The following FBRSL1 variants were observed in gnomAD, a reference collection of about 807,000 sequenced individuals.
FBRSL1 encodes the protein fibrosin like 1.
Under a neutral mutation model 89.6 loss-of-function variants are expected in FBRSL1, and 51 were observed. The observed-to-expected ratio is 0.57, with a 90% CI of 0.45 to 0.72. FBRSL1 has a LOEUF of 0.72. FBRSL1 is among the 30% of genes least tolerant of loss of function. FBRSL1 has a pLI of 0.00. For missense variants in FBRSL1, 1,618 were observed against 1,451.8 expected, an observed-to-expected ratio of 1.11 and a Z score of -1.86; for synonymous variants, 779 against 681.1, an observed-to-expected ratio of 1.14 and a Z score of -2.24.
rs1016553979 is a variant in FBRSL1 at position 132,581,720 on chromosome 12, G to A, written c.1913-21G>A. The A allele has an allele frequency of 3.2e-6, 5 of 1,549,668 alleles. No individual in the cohort carries two copies. The East Asian group carries it at 7.3e-5, about 23-fold the overall frequency. ...CAGCCCACGCCTCACAGACCTCTGG[G>A]TCCCGCGGTTGCCCCCACAGACCCT... On this transcript the variant is annotated intron_variant, in intron 16 of 18. Coordinates refer to ENST00000680143, the MANE Select transcript of FBRSL1 (RefSeq NM_001367871.1).
Position 132,583,107 on chromosome 12 carries a change from C to T in FBRSL1, c.2338C>T (p.Pro780Ser). Residue 780 changes from proline to serine, a missense_variant, in exon 19 of 19, where the codon CCT becomes TCT. By Grantham distance (74) the Pro-to-Ser change is moderately conservative. Coordinates refer to ENST00000680143, the MANE Select transcript of FBRSL1 (RefSeq NM_001367871.1). The part of the protein sequence containing the change: ...SGAPAEREAE[P>S]RVKESRSPAK... The stretch of plus-strand genomic sequence containing the variant: ...GGCCCCCGCGGAGCGCGAGGCCGAA[C>T]CTCGGGTCAAGGAGAGCCGCTCCCC... The T allele has an allele frequency of 1.4e-6, 2 of 1,456,004 alleles. No homozygotes were observed. Among genetic ancestry groups the T allele is most frequent in the South Asian group, 1.3e-5 (1 of 77,840 alleles). 90.2% of individuals were successfully genotyped at this position (1,456,004 alleles called of 1,614,324 possible). A position where few individuals can be genotyped will look rare whatever the true frequency, so the allele number is the denominator to read the frequency against.
intron 2 of FBRSL1, chr12:132,511,022 T>A (rs2034276978): frequency 1.0e-6 from 1 of 986,486 alleles, no homozygotes; most frequent in Non-Finnish European, 1.2e-6. Flanking sequence ...GGTGCTGCAG[T>A]TCCTGCAGAG....
chr12:132,536,016 A>G (rs1386669222), intron 4 of FBRSL1, among the ~76,000 whole-genome samples: 1 of 151,680 alleles, frequency 6.6e-6, no homozygotes, highest in Non-Finnish European at 1.5e-5. Context: ...GGATGTTTGT[A>G]CATGGTGTGT....
intron 11 of FBRSL1, among the ~76,000 whole-genome samples, chr12:132,573,353 G>A (rs985581964): frequency 2.6e-5 from 4 of 152,178 alleles, no homozygotes; most frequent in African/African-American, 7.2e-5. Flanking sequence ...CTGGGGCACC[G>A]CCCACATCGT....
Position 132,527,909 on chromosome 12 carries a change from T to C in FBRSL1, c.580-44T>C, listed in dbSNP as rs1471884865. The C allele has an allele frequency of 3.2e-6, 5 of 1,547,818 alleles. No homozygotes were observed. The South Asian group carries it at 6.0e-5, about 18-fold the overall frequency. On this transcript the variant is annotated intron_variant, in intron 3 of 18. Coordinates refer to ENST00000680143, the MANE Select transcript of FBRSL1 (RefSeq NM_001367871.1). ...GTCGGGTGCATCCCTGGGAGTTTGT[T>C]CCGAGTGGCAGCCTCACTGACTGTC...
intron 15 of FBRSL1, among the ~76,000 whole-genome samples, chr12:132,578,301 C>T (rs950121197): frequency 2.8e-5 from 4 of 140,974 alleles, no homozygotes; most frequent in African/African-American, 7.7e-5. Context: ...GCCGTGATTG[C>T]ACCACTGCTC....
chr12:132,517,134 C>T (rs2034913995), intron 2 of FBRSL1, among the ~76,000 whole-genome samples: 1 of 152,240 alleles, frequency 6.6e-6, no homozygotes, highest in Non-Finnish European at 1.5e-5. Context: ...TTAATCAGTG[C>T]CTTAGACACT....
chr12:132,525,729 C>G lies in FBRSL1; in HGVS notation c.490-5C>G. The G allele has an allele frequency of 6.5e-7, 1 of 1,547,920 alleles. No individual in the cohort carries two copies. Among genetic ancestry groups the G allele is most frequent in the Non-Finnish European group, 8.7e-7 (1 of 1,144,558 alleles). ...TGCCTGAGACAGTGTCTCTCTCTGT[C>G]CCAGATGAAGGTCACCGTGTCCAAA... On this transcript the variant is annotated splice_polypyrimidine_tract_variant and splice_region_variant and intron_variant, in intron 2 of 18. Coordinates refer to ENST00000680143, the MANE Select transcript of FBRSL1 (RefSeq NM_001367871.1).
chr12:132,511,408 G>T, intron 2 of FBRSL1: 1 of 985,842 alleles, frequency 1.0e-6, no homozygotes. Flanking sequence ...CCCCTTCCAC[G>T]GCCCCCACCT....
intron 12 of FBRSL1, 77 bp from the exon 13 acceptor site, chr12:132,574,242 C>CG: frequency 6.9e-7 from 1 of 1,448,774 alleles, no homozygotes; most frequent in African/African-American, 1.4e-5. Flanking sequence ...CCACAGCAGA[C>CG]GGGCTGTGTC....
chr12:132,510,260 C>G, intron 2 of FBRSL1: 1 of 1,231,902 alleles, frequency 8.1e-7, no homozygotes, highest in Non-Finnish European at 1.0e-6. Flanking sequence ...CGGGCCCACC[C>G]TGCCGGCCTC....
At chr12:132,501,699 G>T (rs2032984697) in intron 1 of FBRSL1, among the ~76,000 whole-genome samples, 1 of 152,182 alleles carries the variant, frequency 6.6e-6, no homozygotes, top group Non-Finnish European at 1.5e-5. Context: ...TGAGGGGAGG[G>T]GCCAGGACAG....
intron 7 of FBRSL1, 21 bp downstream of exon 7, chr12:132,570,262 G>C: frequency 6.7e-7 from 1 of 1,496,396 alleles, no homozygotes; most frequent in Non-Finnish European, 8.9e-7. Flanking sequence ...CGCGGGGGAC[G>C]GGGCCTGTGT....
chr12:132,509,887 C>A, intron 2 of FBRSL1: 1 of 1,231,622 alleles, frequency 8.1e-7, no homozygotes, highest in Non-Finnish European at 1.0e-6. Flanking sequence ...AGCTTCCTCC[C>A]AGGACAGTGC....
intron 2 of FBRSL1, chr12:132,511,767 C>A: frequency 1.0e-6 from 1 of 985,440 alleles, no homozygotes; most frequent in Non-Finnish European, 1.2e-6. Context: ...ACCCCACCCC[C>A]GCAGGCCCTC....
At chr12:132,572,711 A>G (rs1306183832) in intron 11 of FBRSL1, 89 bp downstream of exon 11, 1 of 916,220 alleles carries the variant, frequency 1.1e-6, no homozygotes, top group Non-Finnish European at 1.7e-6. Context: ...CTCTCTGCCC[A>G]CAACCACCCC....
chr12:132,514,697 G>T (rs1320831298), intron 2 of FBRSL1, among the ~76,000 whole-genome samples: 5 of 152,288 alleles, frequency 3.3e-5, no homozygotes. Flanking sequence ...AGGGCTCCCT[G>T]GTGTACCCTG....
chr12:132,538,815 C>G (rs2036973142), intron 4 of FBRSL1, among the ~76,000 whole-genome samples: 1 of 144,276 alleles, frequency 6.9e-6, no homozygotes, highest in African/African-American at 2.4e-5. Context: ...GCTGAGTAAG[C>G]AAATATAGCA....
chr12:132,576,886 T>G lies in FBRSL1; in HGVS notation c.1789T>G (p.Phe597Val). The G allele has an allele frequency of 6.5e-7, 1 of 1,550,294 alleles. No individual in the cohort carries two copies. The highest frequency in any genetic ancestry group is 8.7e-7 in the Non-Finnish European group (1 of 1,146,660). ...CCCTGCCCCGGGCGTGTTTGCAGGC[T>G]TCCACTACCCACAGGACCTGGCCCG... ...RPPAPGVFAG[F>V]HYPQDLARPL... Residue 597 changes from phenylalanine to valine, a missense_variant, in exon 15 of 19, where the codon TTC (phenylalanine) becomes GTC (valine). Physicochemically the swap from Phe to Val is conservative, Grantham distance 50. Transcript: ENST00000680143.
Sources: allele counts gnomAD v4.1 joint callset (sites outside exome capture counted in the v4.1 genomes callset), GRCh38; gene constraint gnomAD v4.1.1; transcripts MANE v1.5; gene names NCBI Gene and HGNC (gene_info 2026-07-23, HGNC 2026-07-21).